CLSTN2: variants seen among roughly 807,000 people sequenced by gnomAD.
The protein encoded by CLSTN2 is calsyntenin-2.
Under a neutral mutation model 101.2 loss-of-function variants are expected in CLSTN2, and 48 were observed. That is an observed-to-expected ratio of 0.47 (90% confidence interval 0.38 to 0.60). The LOEUF (loss-of-function observed/expected upper bound fraction) is 0.60, where lower values mean the gene tolerates loss of function less well. Ranked by LOEUF, CLSTN2 falls within the 20% of genes least tolerant of loss-of-function variation. The pLI, the probability that CLSTN2 is intolerant of heterozygous loss-of-function variation, is 0.00. For synonymous variants in CLSTN2, 481 were observed against 463.6 expected (o/e 1.04, Z -0.48); for missense variants, 1,160 against 1,238.2 (o/e 0.94, Z 0.95).
chr3:140,125,056 G>T (rs534500036), intron 1 of CLSTN2, among the ~76,000 whole-genome samples: 1 of 152,244 alleles, frequency 6.6e-6, no homozygotes, highest in Non-Finnish European at 1.5e-5. Context: ...CTAACCACTG[G>T]ATTTAGTAGT....
intron 10 of CLSTN2, 40 bp downstream of exon 10, chr3:140,546,721 T>C: frequency 6.5e-7 from 1 of 1,549,750 alleles, no homozygotes; most frequent in Non-Finnish European, 8.8e-7. Flanking sequence ...AAGACAGGGA[T>C]TCATGATGCC....
intron 1 of CLSTN2, among the ~76,000 whole-genome samples, chr3:140,000,322 A>G (rs1430710618): frequency 6.6e-6 from 1 of 152,234 alleles, no homozygotes; most frequent in Non-Finnish European, 1.5e-5. Flanking sequence ...TTTAGTTAGC[A>G]CTTATTAATA....
chr3:140,256,404 A>G (rs2086604566), intron 2 of CLSTN2, among the ~76,000 whole-genome samples: 1 of 152,200 alleles, frequency 6.6e-6, no homozygotes, highest in African/African-American at 2.4e-5. Flanking sequence ...GTTCCAACCT[A>G]TGGTGGAAGT....
chr3:140,409,219 C>T (rs144760790), intron 4 of CLSTN2, among the ~76,000 whole-genome samples: 2 of 152,328 alleles, frequency 1.3e-5, no homozygotes, highest in African/African-American at 4.8e-5. Context: ...GTTGGCTCTG[C>T]CCCAGCCCTA....
At chr3:140,498,519 A>G (rs1681182672) in intron 8 of CLSTN2, among the ~76,000 whole-genome samples, 1 of 152,370 alleles carries the variant, frequency 6.6e-6, no homozygotes, top group South Asian at 2.1e-4. Context: ...AGAGACATGT[A>G]TGATACATCC....
intron 2 of CLSTN2, among the ~76,000 whole-genome samples, chr3:140,282,654 A>T (rs2086859202): frequency 6.6e-6 from 1 of 152,080 alleles, no homozygotes; most frequent in Non-Finnish European, 1.5e-5. Flanking sequence ...ATCATGTGTG[A>T]TCTTCTTGGA....
At chr3:140,457,086 T>A (rs749670801) in intron 6 of CLSTN2, among the ~76,000 whole-genome samples, 12 of 152,210 alleles carry the variant, frequency 7.9e-5, no homozygotes, top group Non-Finnish European at 1.8e-4. Context: ...AAGGACCCTC[T>A]GGTGGTGGAG....
chr3:140,457,304 C>T (rs368330598), intron 6 of CLSTN2, among the ~76,000 whole-genome samples: 5 of 152,312 alleles, frequency 3.3e-5, no homozygotes, highest in East Asian at 1.9e-4. Context: ...TTTCAGGAAC[C>T]GACATGCTCT....
intron 1 of CLSTN2, among the ~76,000 whole-genome samples, chr3:140,173,688 A>G (rs1331285921): frequency 2.0e-5 from 3 of 152,200 alleles, no homozygotes; most frequent in East Asian, 3.9e-4. Flanking sequence ...CCAAACCTCA[A>G]TTCTTGACTT....
chr3:140,477,820 C>T (rs1480709236), intron 8 of CLSTN2, among the ~76,000 whole-genome samples: 3 of 152,222 alleles, frequency 2.0e-5, no homozygotes, highest in Non-Finnish European at 4.4e-5. Flanking sequence ...TAGTTTGCTA[C>T]AGTGCAATCC....
At chr3:140,457,848 C>T (rs181180920) in intron 6 of CLSTN2, among the ~76,000 whole-genome samples, 2 of 152,298 alleles carry the variant, frequency 1.3e-5, no homozygotes, top group East Asian at 3.9e-4. Context: ...CAACTCTGCC[C>T]ACACTTCCCT....
chr3:140,151,491 G>T (rs1457558379), intron 1 of CLSTN2, among the ~76,000 whole-genome samples: 1 of 152,088 alleles, frequency 6.6e-6, no homozygotes. Flanking sequence ...ACCAGGCTAA[G>T]AAGTGGGATC....
chr3:140,269,245 T>C (rs1247984616), intron 2 of CLSTN2, among the ~76,000 whole-genome samples: 1 of 152,228 alleles, frequency 6.6e-6, no homozygotes, highest in Non-Finnish European at 1.5e-5. Flanking sequence ...AACAGGATTT[T>C]CTTTAAGAGG....
rs752355094 is a variant in CLSTN2, at chr3:140,094,572, G to GA, written c.110-81370dup. On this transcript the variant is annotated intron_variant, in intron 1 of 16. Coordinates refer to ENST00000458420, the MANE Select transcript of CLSTN2 (RefSeq NM_022131.3). ...ACAGGAACCTCTAGAGGGAAGAAAG[G>GA]AAAAAAAAATTAGCAAATGGAATGT... Among the ~76,000 whole-genome samples the GA allele has an allele frequency of 4.4e-4, 67 of 150,990 alleles. No homozygotes were observed. In the Middle Eastern group the frequency reaches 0.01, roughly 23 times the overall value.
intron 1 of CLSTN2, among the ~76,000 whole-genome samples, chr3:140,170,169 A>T (rs1376104858): frequency 6.6e-6 from 1 of 152,214 alleles, no homozygotes; most frequent in East Asian, 1.9e-4. Context: ...TAAAGAATCC[A>T]GTTGATCTGG....
chr3:139,980,846 C>T (rs1175668808), intron 1 of CLSTN2, among the ~76,000 whole-genome samples: 1 of 152,084 alleles, frequency 6.6e-6, no homozygotes, highest in Non-Finnish European at 1.5e-5. Flanking sequence ...AGACTTCAGA[C>T]CTATGCCTAC....
At chr3:140,441,560 G>T (rs2088765471) in intron 5 of CLSTN2, among the ~76,000 whole-genome samples, 2 of 152,216 alleles carry the variant, frequency 1.3e-5, no homozygotes, top group South Asian at 4.1e-4. Flanking sequence ...ACTGCCGAAG[G>T]TGCAGCAGCT....
chr3:140,334,266 G>C (rs1037683901), intron 2 of CLSTN2, among the ~76,000 whole-genome samples: 5 of 152,178 alleles, frequency 3.3e-5, no homozygotes, highest in African/African-American at 1.2e-4. Flanking sequence ...ATCCATTACA[G>C]AAAAGCTTTC....
At chr3:140,344,862 G>C (rs958756684) in intron 2 of CLSTN2, among the ~76,000 whole-genome samples, 2 of 152,154 alleles carry the variant, frequency 1.3e-5, no homozygotes, top group Non-Finnish European at 2.9e-5. Context: ...AAGAGCAAAC[G>C]CATGCTGTGT....
Sources: allele counts gnomAD v4.1 joint callset (sites outside exome capture counted in the v4.1 genomes callset), GRCh38; gene constraint gnomAD v4.1.1; transcripts MANE v1.5; gene names NCBI Gene and HGNC (gene_info 2026-07-23, HGNC 2026-07-21).